Variants in POM121 observed in about 807,000 individuals in gnomAD.
The protein encoded by POM121 is POM121 transmembrane nucleoporin, also known as nuclear envelope pore membrane protein POM 121.
A neutral mutation model predicts 81.3 loss-of-function variants in POM121; 32 were observed. The observed-to-expected ratio is 0.39, with a 90% confidence interval of 0.30 to 0.53. The LOEUF (loss-of-function observed/expected upper bound fraction) is 0.53, where lower values mean the gene tolerates loss of function less well. POM121 is among the 20% of genes least tolerant of loss of function. The pLI is 0.66. For synonymous variants in POM121, 514 were observed against 694.2 expected (o/e 0.74, Z 4.08); for missense variants, 1,138 against 1,614.6 (o/e 0.70, Z 5.06).
Position 72,925,470 on chromosome 7 carries a change from G to C in POM121, c.349G>C (p.Gly117Arg). 6.5e-7 allele frequency: 1 copy of C among 1,533,790 alleles called. No homozygotes were observed. Among genetic ancestry groups the C allele is most frequent in the Non-Finnish European group, 8.7e-7 (1 of 1,146,560 alleles). Residue 117 changes from glycine (G) to arginine (R), a missense_variant, in exon 1 of 13, where the codon GGA (glycine) becomes CGA (arginine). By Grantham distance (125) the Gly-to-Arg change is moderately radical. Transcript: ENST00000434423. The part of the protein sequence containing the change: ...ASPLAKSTAN[G>R]NLLEPRTLLE... ...GCCTCTGGCCAAGTCGACAGCCAAC[G>C]GAAACCTCCTAGAGCCGCGGACCCT...
Position 72,943,309 on chromosome 7 carries a change from G to A in POM121, c.3316G>A (p.Ala1106Thr), listed in dbSNP as rs565085171. ...CACGTTTGGGGGTTCGGCAGCCCCCGCTGGCAGTGGGAGCTTTGGGATCAA... is the reference window on the plus strand; with the variant it reads ...CACGTTTGGGGGTTCGGCAGCCCCCACTGGCAGTGGGAGCTTTGGGATCAA... ...PFTFGGSAAP[A>T]GSGSFGINVA... Residue 1106 changes from alanine to threonine, a missense_variant, in exon 11 of 13, where the codon GCT (alanine) becomes ACT (threonine). Coordinates refer to ENST00000434423, the MANE Select transcript of POM121 (RefSeq NM_001387691.1). 4.4e-6 allele frequency: 7 copies of A among 1,607,512 alleles called. No individual in the cohort carries two copies. The highest frequency in any genetic ancestry group is 2.2e-5 in the East Asian group (1 of 44,528).
At chr7:72,924,404 T>C (rs1476393345), upstream of POM121, 5 of 152,212 alleles carry the variant, frequency 3.3e-5, no homozygotes, top group African/African-American at 1.2e-4. Flanking sequence ...CCAAAGTGTA[T>C]TGGCAGACTA....
chr7:72,894,204 G>A (rs1236842679), intron 3 of POM121, among the ~76,000 whole-genome samples: 5 of 152,076 alleles, frequency 3.3e-5, no homozygotes, highest in Non-Finnish European at 5.9e-5. Context: ...CAGCAGTTGT[G>A]GTGAGGAGAG....
At chr7:72,884,710 TC>T in intron 1 of POM121, among the ~76,000 whole-genome samples, 1 of 149,720 alleles carries the variant, frequency 6.7e-6, no homozygotes, top group Admixed American at 6.7e-5. Context: ...CTTAACATTT[TC>T]CCACATTAAT....
At chr7:72,915,261 A>T (rs1554494931) in intron 4 of POM121, among the ~76,000 whole-genome samples, 2 of 152,186 alleles carry the variant, frequency 1.3e-5, no homozygotes, top group African/African-American at 4.8e-5. Flanking sequence ...AGATCATTCT[A>T]GCATTGGGAC....
chr7:72,926,741 CTG>C (rs1446455316), intron 2 of POM121, 59 bp from the exon 3 acceptor site: 2 of 1,578,528 alleles, frequency 1.3e-6, no homozygotes, highest in African/African-American at 1.4e-5. Context: ...TTTCTGAAGT[CTG>C]TGCTATATGG....
At position 72,945,776 on chromosome 7, in the gene POM121, C is replaced by G. The variant is rs546973313; in HGVS notation, c.3652+68C>G. The G allele has an allele frequency of 7.7e-6, 12 of 1,548,868 alleles. 1 individual carries two copies. In the East Asian group the frequency reaches 2.4e-4, roughly 30 times the overall value. On this transcript the variant is annotated intron_variant, in intron 12 of 12. Coordinates refer to ENST00000434423, the MANE Select transcript of POM121 (RefSeq NM_001387691.1). ...GAGGGGTTGGGCGGGGTGGCAGGTTCCTGGTCCTCTGAGGCCCGGTGAAGA... is the reference window on the plus strand; with the variant it reads ...GAGGGGTTGGGCGGGGTGGCAGGTTGCTGGTCCTCTGAGGCCCGGTGAAGA...
chr7:72,948,659 C>G (rs1426130871), downstream of POM121: 15 of 1,604,706 alleles, frequency 9.3e-6, no homozygotes, highest in Non-Finnish European at 1.3e-5. Flanking sequence ...CATGCCCCCA[C>G]TCACTCACGT....
chr7:72,938,551 G>C lies in POM121; in HGVS notation c.1276-39G>C, dbSNP rs781961367. ...TGTCGTGTTGAGGGTCAGATGCTAA[G>C]TTATCAGCAGGCTCAGTCATGTCCC... On this transcript the variant is annotated intron_variant, in intron 5 of 12. Coordinates refer to ENST00000434423, the MANE Select transcript of POM121 (RefSeq NM_001387691.1). 3.8e-6 allele frequency: 6 copies of C among 1,594,234 alleles called. No homozygotes were observed. The South Asian group carries it at 5.5e-5, about 15-fold the overall frequency.
downstream of POM121, chr7:72,948,669 T>G: frequency 6.2e-7 from 1 of 1,604,662 alleles, no homozygotes; most frequent in South Asian, 1.1e-5. Flanking sequence ...CTCACTCACG[T>G]CGGCATCTCG....
At chr7:72,932,881 GTC>G (rs1483478757) in intron 5 of POM121, among the ~76,000 whole-genome samples, 1 of 151,464 alleles carries the variant, frequency 6.6e-6, no homozygotes, top group Non-Finnish European at 1.5e-5. Context: ...GTGAAATCCT[GTC>G]TCTACTAAAA....
At chr7:72,949,946 C>T (rs774632676), downstream of POM121, 21 of 1,612,510 alleles carry the variant, frequency 1.3e-5, no homozygotes, top group Non-Finnish European at 1.7e-5. Context: ...AGCAGCATGG[C>T]TGGGAGACAG....
rs1554497052 is a variant in POM121 at position 72,925,508 on chromosome 7, T to C, written c.387T>C (p.Pro129=). ...AGCCGCGGACCCTGCTCGAAGGACC[T>C]GACCCTGCGGAACTGCTACTCATGG... ...LLEPRTLLEG[P]DPAELLLMGS... is the part of the protein sequence containing the mutation. The change falls in exon 1 of 13, where the codon CCT becomes CCC. Residue 129 remains proline, a synonymous_variant. Coordinates refer to ENST00000434423, the MANE Select transcript of POM121 (RefSeq NM_001387691.1). 1.3e-6 allele frequency: 2 copies of C among 1,533,268 alleles called. No homozygotes were observed. The allele number at this position is 1,533,268 out of a possible 1,614,324, so 95.0% of individuals were successfully genotyped here.
At chr7:72,941,156 C>T (rs559843386) in intron 10 of POM121, among the ~76,000 whole-genome samples, 163 bp downstream of exon 10, 14 of 149,484 alleles carry the variant, frequency 9.4e-5, no homozygotes, top group African/African-American at 3.2e-4. Flanking sequence ...CGCCAGAGCC[C>T]GCATCAGGAA....
chr7:72,891,710 C>T (rs1554490936), intron 3 of POM121, among the ~76,000 whole-genome samples: 1 of 152,146 alleles, frequency 6.6e-6, no homozygotes, highest in African/African-American at 2.4e-5. Context: ...CCCAGCCTTA[C>T]AGAATTGTTT....
intron 3 of POM121, among the ~76,000 whole-genome samples, chr7:72,899,296 T>C (rs1175334351): frequency 2.6e-5 from 4 of 151,898 alleles, no homozygotes; most frequent in African/African-American, 4.8e-5. Context: ...ATTTTGTGTG[T>C]TTCTGATACC....
In POM121 at chr7:72,926,314, C is replaced by T; in HGVS notation, c.697C>T (p.Pro233Ser). ...TGTAATAACACCTAGAAGACGCTATCCGATCCATCAGGCCCAGTATTCCTG... is the reference window on the plus strand; with the variant it reads ...TGTAATAACACCTAGAAGACGCTATTCGATCCATCAGGCCCAGTATTCCTG... ...RFVITPRRRY[P>S]IHQAQYSCLG... The change falls in exon 2 of 13, where the codon CCG becomes TCG. Residue 233 changes from proline (P) to serine (S), a missense_variant. Coordinates refer to ENST00000434423, the MANE Select transcript of POM121 (RefSeq NM_001387691.1). 1.9e-6 allele frequency: 3 copies of T among 1,602,530 alleles called. No individual in the cohort carries two copies. Among genetic ancestry groups the T allele is most frequent in the Non-Finnish European group, 2.6e-6 (3 of 1,174,040 alleles).
downstream of POM121, chr7:72,950,157 G>A (rs782401048): frequency 1.2e-6 from 2 of 1,607,278 alleles, no homozygotes; most frequent in South Asian, 1.1e-5. Flanking sequence ...AGGGGTCCAG[G>A]AGAAAATGCT....
intron 3 of POM121, among the ~76,000 whole-genome samples, chr7:72,903,469 A>G (rs1792917590): frequency 6.6e-6 from 1 of 152,134 alleles, no homozygotes; most frequent in Non-Finnish European, 1.5e-5. Flanking sequence ...TGAGTATTAT[A>G]ATGGGGTAAC....
Sources: allele counts gnomAD v4.1 joint callset (sites outside exome capture counted in the v4.1 genomes callset), GRCh38; gene constraint gnomAD v4.1.1; transcripts MANE v1.5; gene names NCBI Gene and HGNC (gene_info 2026-07-23, HGNC 2026-07-21).